Variants in RAB12 observed in about 807,000 individuals in gnomAD.
The protein encoded by RAB12 is RAB12, member RAS oncogene family, also known as ras-related protein Rab-12.
Under a neutral mutation model 28.4 loss-of-function variants are expected in RAB12, and 11 were observed. That is an observed-to-expected ratio of 0.39 (90% CI 0.24 to 0.64). The LOEUF (loss-of-function observed/expected upper bound fraction) is 0.64, where lower values mean the gene tolerates loss of function less well. Among genes scored for constraint, RAB12 ranks in the 30% least tolerant of loss-of-function variants. The pLI is 0.50. For missense variants in RAB12, 276 were observed against 351.1 expected (o/e 0.79, Z 1.71); for synonymous variants, 138 against 145.3 (o/e 0.95, Z 0.36).
intron 1 of RAB12, among the ~76,000 whole-genome samples, chr18:8,616,757 C>CAAA (rs71165794): frequency 2.3e-5 from 3 of 128,630 alleles, no homozygotes; most frequent in Admixed American, 7.9e-5. Flanking sequence ...CCCATCTCCA[C>CAAA]AAAAAAAAAA....
At chr18:8,612,521 C>G (rs530588538) in intron 1 of RAB12, among the ~76,000 whole-genome samples, 10 of 152,152 alleles carry the variant, frequency 6.6e-5, no homozygotes, top group African/African-American at 2.4e-4. Context: ...GGGCTGCTCG[C>G]GACAGCCGTC....
intron 2 of RAB12, among the ~76,000 whole-genome samples, chr18:8,625,388 G>T (rs1357363865): frequency 1.3e-5 from 2 of 152,098 alleles, no homozygotes; most frequent in African/African-American, 4.8e-5. Context: ...AACCAGATTT[G>T]CACAATCTGA....
At chr18:8,615,456 A>C (rs2096006233) in intron 1 of RAB12, among the ~76,000 whole-genome samples, 2 of 152,160 alleles carry the variant, frequency 1.3e-5, no homozygotes. Context: ...CCCGTGTTTC[A>C]CTTAAGAGAG....
intron 2 of RAB12, among the ~76,000 whole-genome samples, chr18:8,625,662 T>C (rs143486437): frequency 6.6e-6 from 1 of 152,302 alleles, no homozygotes; most frequent in East Asian, 1.9e-4. Flanking sequence ...TAGCGACCTG[T>C]CTGTGGAAGA....
Position 8,623,372 on chromosome 18 carries a change from G to A in RAB12, c.515-1566G>A, listed in dbSNP as rs550272742. Among the ~76,000 whole-genome samples, 61 of 152,286 alleles carry A rather than the reference G, an allele frequency of 4.0e-4. No individual in the cohort carries two copies. In the South Asian group the frequency reaches 0.01, roughly 26 times the overall value. ...CTCCGTTTGGGGTCCCTGACTTCCCGCAACAATAGAATAGTAGTCATCACA... is the reference window on the plus strand; with the variant it reads ...CTCCGTTTGGGGTCCCTGACTTCCCACAACAATAGAATAGTAGTCATCACA... On this transcript the variant is annotated intron_variant, in intron 1 of 5. Transcript: ENST00000649141.
intron 2 of RAB12, among the ~76,000 whole-genome samples, chr18:8,631,277 G>A (rs1372930014): frequency 6.6e-6 from 1 of 152,216 alleles, no homozygotes; most frequent in Non-Finnish European, 1.5e-5. Flanking sequence ...ATCAATGTCA[G>A]TTAAAGGAGA....
intron 1 of RAB12, among the ~76,000 whole-genome samples, chr18:8,621,561 C>T (rs9953111): frequency 0.13 from 19,195 of 152,208 alleles, 1,389 homozygotes; most frequent in Admixed American, 0.17. Context: ...CATCTACTCA[C>T]TATAAGATAG....
rs368741217 is a variant in RAB12, at chr18:8,612,017, CT to C, written c.514+2065del. On this transcript the variant is annotated intron_variant, in intron 1 of 5. Coordinates refer to ENST00000649141, the MANE Select transcript of RAB12 (RefSeq NM_001025300.3). ...ACGCCAGCCAGCTCCACTTCAGTTT[CT>C]GCTTCAGAGTTGCTTTTCCCCTCCA... Among the ~76,000 whole-genome samples the C allele has an allele frequency of 3.9e-4, 59 of 152,342 alleles. No individual in the cohort carries two copies. In the South Asian group the frequency reaches 8.9e-3, roughly 23 times the overall value.
rs571501049 is a variant in RAB12, at chr18:8,622,770, A to C, written c.515-2168A>C. On this transcript the variant is annotated intron_variant, in intron 1 of 5. Transcript: ENST00000649141. ...GGAGCACTACGGGAGACTGGGGTCT[A>C]TTCCACCCCTACAGCCTTGACCATA... Among the ~76,000 whole-genome samples, 157 of 152,282 alleles carry C rather than the reference A, an allele frequency of 1.0e-3. 1 individual carries two copies. Among genetic ancestry groups the C allele is most frequent in the African/African-American group, 3.5e-3 (144 of 41,566 alleles).
At chr18:8,612,379 C>A (rs576930658) in intron 1 of RAB12, among the ~76,000 whole-genome samples, 1 of 151,928 alleles carries the variant, frequency 6.6e-6, no homozygotes, top group Non-Finnish European at 1.5e-5. Flanking sequence ...TACCTGAACG[C>A]TTACCATTTG....
chr18:8,614,245 G>T (rs377690248), intron 1 of RAB12, among the ~76,000 whole-genome samples: 1 of 151,918 alleles, frequency 6.6e-6, no homozygotes, highest in South Asian at 2.1e-4. Flanking sequence ...TTCTTTAAGT[G>T]TGCCCCTGTC....
Position 8,609,804 on chromosome 18 carries a change from G to A in RAB12, c.365G>A (p.Gly122Asp), listed in dbSNP as rs746212839. 1.4e-6 allele frequency: 2 copies of A among 1,434,386 alleles called. No individual in the cohort carries two copies. The highest frequency in any genetic ancestry group is 6.0e-5 in the East Asian group (2 of 33,440). The allele number at this position is 1,434,386 out of a possible 1,614,324, so 88.9% of individuals were successfully genotyped here. A position where few individuals can be genotyped will look rare whatever the true frequency, so the allele number is the denominator to read the frequency against. ...GGCGCGGGCTCCCCGGCGCTGTCGG[G>A]CGGCCAGGGCCGCCGGAGGAAGCAG... is the stretch of plus-strand genomic sequence containing the variant. ...GLGAGSPALSGGQGRRRKQPP... is the reference protein window; with the variant it reads ...GLGAGSPALSDGQGRRRKQPP... The change falls in exon 1 of 6, where the codon GGC becomes GAC. Residue 122 changes from glycine (G) to aspartate (D), a missense_variant. Coordinates refer to ENST00000649141, the MANE Select transcript of RAB12 (RefSeq NM_001025300.3).
intron 2 of RAB12, among the ~76,000 whole-genome samples, chr18:8,628,096 C>T (rs1328781389): frequency 2.0e-5 from 3 of 152,050 alleles, no homozygotes; most frequent in African/African-American, 7.2e-5. Context: ...AACTTGCAAA[C>T]CTCTAGAAAT....
intron 2 of RAB12, among the ~76,000 whole-genome samples, chr18:8,627,640 G>A (rs1245360704): frequency 2.6e-5 from 4 of 152,176 alleles, no homozygotes; most frequent in African/African-American, 9.7e-5. Context: ...TCCAAATGGT[G>A]TCCTAGAAAT....
intron 3 of RAB12, among the ~76,000 whole-genome samples, chr18:8,634,754 G>A (rs2096017946): frequency 6.6e-6 from 1 of 152,180 alleles, no homozygotes; most frequent in Non-Finnish European, 1.5e-5. Flanking sequence ...ATAAGGGGCC[G>A]GCACTCCTCA....
intron 1 of RAB12, among the ~76,000 whole-genome samples, chr18:8,617,056 C>T (rs1025648728): frequency 6.6e-6 from 1 of 152,220 alleles, no homozygotes; most frequent in Non-Finnish European, 1.5e-5. Context: ...GGACAGGCTG[C>T]CAGCTGTCCT....
rs553508367 is a variant in RAB12, at chr18:8,623,426, C to G, written c.515-1512C>G. 3.3e-5 allele frequency among the ~76,000 whole-genome samples: 5 copies of G among 152,344 alleles called. No individual in the cohort carries two copies. The East Asian group carries it at 9.6e-4, about 29-fold the overall frequency. On this transcript the variant is annotated intron_variant, in intron 1 of 5. Transcript: ENST00000649141. Reference sequence around the variant, plus strand: ...TATGCATTTGATTAGTAAATTCCATCACAGAGTAGCATGGCAGCAGTGAAA... The same window carrying G: ...TATGCATTTGATTAGTAAATTCCATGACAGAGTAGCATGGCAGCAGTGAAA...
rs2096021010 is a variant in RAB12 at position 8,639,194 on chromosome 18, G to GTTTTTTTTTTTTTTTTTTTTTTTTTT, written c.*933_*934insTTTTTTTTTTTTTTTTTTTTTTTTTT. On this transcript the variant is annotated 3_prime_UTR_variant, in exon 6 of 6. Transcript: ENST00000649141. ...TTTTTTTTTTTTTTTTTTTTTTTTGGTCTGATGATGAATTTGTGAACTCTA... is the reference window on the plus strand; with the variant it reads ...TTTTTTTTTTTTTTTTTTTTTTTTGGTTTTTTTTTTTTTTTTTTTTTTTTTTTCTGATGATGAATTTGTGAACTCTA... 1 of 23,682 alleles carries GTTTTTTTTTTTTTTTTTTTTTTTTTT rather than the reference G, an allele frequency of 4.2e-5. No individual in the cohort carries two copies. Among genetic ancestry groups the GTTTTTTTTTTTTTTTTTTTTTTTTTT allele is most frequent in the Non-Finnish European group, 8.8e-5 (1 of 11,420 alleles). 1.5% of individuals were successfully genotyped at this position (23,682 alleles called of 1,614,324 possible).
rs1258295201 is a variant in RAB12, at chr18:8,613,394, A to G, written c.514+3441A>G. ...ATAGCAGTGCCTGTATCACAAGCAT[A>G]CTTATCCACCATGAATCTGTGTGTG... On this transcript the variant is annotated intron_variant, in intron 1 of 5. Transcript: ENST00000649141. Among the ~76,000 whole-genome samples the G allele has an allele frequency of 2.0e-5, 3 of 152,194 alleles. No individual in the cohort carries two copies. In the East Asian group the frequency reaches 5.8e-4, roughly 29 times the overall value.
Sources: allele counts gnomAD v4.1 joint callset (sites outside exome capture counted in the v4.1 genomes callset), GRCh38; gene constraint gnomAD v4.1.1; transcripts MANE v1.5; gene names NCBI Gene and HGNC (gene_info 2026-07-23, HGNC 2026-07-21).